Variants in UPF1 observed in about 807,000 individuals in gnomAD.
UPF1 encodes UPF1 RNA helicase and ATPase.
A neutral mutation model predicts 129.2 loss-of-function variants in UPF1; 9 were observed. The ratio of observed to expected loss-of-function variants is 0.07; its 90% CI spans 0.04 to 0.12. The LOEUF (loss-of-function observed/expected upper bound fraction) is 0.12, where lower values mean the gene tolerates loss of function less well. Ranked by LOEUF, UPF1 falls within the 10% of genes least tolerant of loss-of-function variation. UPF1 has a pLI of 1.00. For missense variants in UPF1, 788 were observed against 1,525.3 expected (o/e 0.52, Z 8.05); for synonymous variants, 649 against 644.9 (o/e 1.01, Z -0.10).
At chr19:18,837,059 C>G (rs1006172943) in intron 1 of UPF1, among the ~76,000 whole-genome samples, 1 of 151,958 alleles carries the variant, frequency 6.6e-6, no homozygotes, top group Non-Finnish European at 1.5e-5. Flanking sequence ...GCCTGCCATA[C>G]TTTTTTTAAA....
intron 1 of UPF1, among the ~76,000 whole-genome samples, chr19:18,837,358 G>A (rs955435215): frequency 1.3e-5 from 2 of 152,214 alleles, no homozygotes. Context: ...CCAAGTGTTG[G>A]AATTACAGAG....
intron 13 of UPF1, 93 bp from the exon 14 acceptor site, chr19:18,856,784 A>G: frequency 6.7e-7 from 1 of 1,485,292 alleles, no homozygotes; most frequent in Non-Finnish European, 9.0e-7. Context: ...AGGGTGAGAA[A>G]CAGGAGAGCT....
chr19:18,845,445 G>A (rs1422805105), intron 1 of UPF1, among the ~76,000 whole-genome samples: 1 of 152,148 alleles, frequency 6.6e-6, no homozygotes, highest in South Asian at 2.1e-4. Flanking sequence ...GTGTGGCCTC[G>A]GTTGCCAAGG....
chr19:18,865,838 A>G lies in UPF1; in HGVS notation c.3237+60A>G. On this transcript the variant is annotated intron_variant, in intron 22 of 23. Transcript: ENST00000262803. The surrounding 1 kb of genome is among the most constrained non-coding windows in gnomAD (Gnocchi z 6.1). ...GAGGGTGGGGCTATGCACCTGAAACATTCCCTCTGAAGAGCCCCAGAGAGC... is the reference window on the plus strand; with the variant it reads ...GAGGGTGGGGCTATGCACCTGAAACGTTCCCTCTGAAGAGCCCCAGAGAGC... 11 of 1,602,940 alleles carry G rather than the reference A, an allele frequency of 6.9e-6. No individual in the cohort carries two copies. The highest frequency in any genetic ancestry group is 9.3e-6 in the Non-Finnish European group (11 of 1,176,494).
chr19:18,847,872 T>C (rs1362081342), intron 3 of UPF1, 39 bp downstream of exon 3: 1 of 1,575,142 alleles, frequency 6.3e-7, no homozygotes, highest in Admixed American at 1.7e-5. Flanking sequence ...TAATCAGTGC[T>C]GTGCTCAGAT....
At chr19:18,848,879 T>C (rs184943935) in intron 3 of UPF1, 82 of 152,342 alleles carry the variant, frequency 5.4e-4, no homozygotes, top group African/African-American at 1.8e-3. Context: ...TTCCTCTTGT[T>C]CAGGAAAAGC....
chr19:18,860,981 A>T lies in UPF1; in HGVS notation c.2456A>T (p.Gln819Leu). ...FSGSLHTKLY[Q>L]EVEIASVDAF... Reference sequence around the variant, plus strand: ...GGCTCCCTGCACACCAAGCTCTACCAGGTGCGCTGCGCCCTCGGGCACACT... The same window carrying T: ...GGCTCCCTGCACACCAAGCTCTACCTGGTGCGCTGCGCCCTCGGGCACACT... The change falls in exon 17 of 24, where the codon CAG (glutamine) becomes CTG (leucine). Residue 819 changes from glutamine to leucine, a missense_variant and splice_region_variant. Physicochemically the swap from Gln to Leu is moderately radical, Grantham distance 113. Around this residue, in one of 6 missense-constraint regions of UPF1, gnomAD observed 140 missense variants for 385.9 expected, o/e 0.36. Coordinates refer to ENST00000262803, the MANE Select transcript of UPF1 (RefSeq NM_002911.4). The T allele has an allele frequency of 6.3e-7, 1 of 1,576,764 alleles. No individual in the cohort carries two copies. Among genetic ancestry groups the T allele is most frequent in the East Asian group, 2.3e-5 (1 of 42,968 alleles).
At chr19:18,861,929 G>C in intron 17 of UPF1, 81 bp from the exon 18 acceptor site, 1 of 1,542,794 alleles carries the variant, frequency 6.5e-7, no homozygotes, top group South Asian at 1.2e-5. Context: ...TTTGAGGGTG[G>C]GTCTTGGTGT....
chr19:18,856,428 C>T (rs1382703501), intron 13 of UPF1, 128 bp downstream of exon 13: 9 of 857,476 alleles, frequency 1.0e-5, no homozygotes, highest in Non-Finnish European at 1.6e-5. Context: ...CTCTACTTGG[C>T]CTCTCTGCGC....
chr19:18,857,562 T>G (rs1194484451), intron 15 of UPF1, 29 bp downstream of exon 15: 1 of 1,567,074 alleles, frequency 6.4e-7, no homozygotes. Context: ...GGGCAGGGGC[T>G]TCTACAGAGA....
At chr19:18,861,475 C>T (rs1434671059) in intron 17 of UPF1, among the ~76,000 whole-genome samples, 1 of 152,198 alleles carries the variant, frequency 6.6e-6, no homozygotes, top group African/African-American at 2.4e-5. Context: ...TGTTTTTGAG[C>T]ACGGCTCAGG....
rs191847010 is a variant in UPF1, at chr19:18,865,486, C to G, written c.3019+36C>G. On this transcript the variant is annotated intron_variant, in intron 21 of 23. Transcript: ENST00000262803. The surrounding 1 kb of genome is among the most constrained non-coding windows in gnomAD (Gnocchi z 6.1). ...GTGGCTGCGGCTGGGTGTGGCCCTC[C>G]TGAGAGCTCTTGAGGGTGTGCTTGT... is the stretch of plus-strand genomic sequence containing the variant. 35 of 1,611,756 alleles carry G rather than the reference C, an allele frequency of 2.2e-5. No homozygotes were observed. The African/African-American group carries it at 3.5e-4, about 16-fold the overall frequency.
In UPF1 at chr19:18,850,400, G is replaced by A. The variant is rs1299261329; in HGVS notation, c.629+158G>A. Among the ~76,000 whole-genome samples, 3 of 152,248 alleles carry A rather than the reference G, an allele frequency of 2.0e-5. No individual in the cohort carries two copies. Among genetic ancestry groups the A allele is most frequent in the Non-Finnish European group, 2.9e-5 (2 of 68,044 alleles). ...GGGTGAGGCATGAGAGCGTTTAGGC[G>A]CTGAGGCTTGTTAAGGAGTCGGCAG... On this transcript the variant is annotated intron_variant, in intron 4 of 23. Coordinates refer to ENST00000262803, the MANE Select transcript of UPF1 (RefSeq NM_002911.4). The surrounding 1 kb of genome is among the most constrained non-coding windows in gnomAD (Gnocchi z 7.1).
chr19:18,861,984 A>G (rs773315402), intron 17 of UPF1, 26 bp from the exon 18 acceptor site: 1 of 1,612,864 alleles, frequency 6.2e-7, no homozygotes, highest in South Asian at 1.1e-5. Flanking sequence ...CTGCTGGCTG[A>G]TAGTGACCAC....
intron 1 of UPF1, among the ~76,000 whole-genome samples, chr19:18,845,434 G>A (rs1285160417): frequency 6.6e-6 from 1 of 152,166 alleles, no homozygotes; most frequent in African/African-American, 2.4e-5. Flanking sequence ...CTTCAGTGAG[G>A]GTGTGGCCTC....
In UPF1 at chr19:18,866,065, T is replaced by C. The variant is rs2055840225; in HGVS notation, c.3259T>C (p.Phe1087Leu). ...TCAGGACAGTTACCTTGGTGACGAG[T>C]TTAAATCACAAATCGACGTGGCGCT... Reference protein sequence around the residue: ...LSQDSYLGDEFKSQIDVALSQ... With the variant: ...LSQDSYLGDELKSQIDVALSQ... Residue 1087 changes from phenylalanine to leucine, a missense_variant, in exon 23 of 24, where the codon TTT becomes CTT. Physicochemically the swap from Phe to Leu is conservative, Grantham distance 22. Transcript: ENST00000262803. The C allele has an allele frequency of 6.2e-7, 1 of 1,613,018 alleles. No homozygotes were observed. Among genetic ancestry groups the C allele is most frequent in the Non-Finnish European group, 8.5e-7 (1 of 1,179,806 alleles).
At position 18,850,818 on chromosome 19, in the gene UPF1, G is replaced by A. The variant is rs36064131; in HGVS notation, c.760G>A (p.Ala254Thr). The A allele has an allele frequency of 6.2e-7, 1 of 1,609,356 alleles. No homozygotes were observed. The change falls in exon 5 of 24, where the codon GCA becomes ACA. Residue 254 changes from alanine (A) to threonine (T), a missense_variant. Around this residue, in one of 6 missense-constraint regions of UPF1, gnomAD observed 227 missense variants for 517.9 expected, o/e 0.44. Transcript: ENST00000262803. This position sits in a 1 kb window ranked among gnomAD's most constrained non-coding sequence, Gnocchi z 7.1. ...CCCCTCCGAGCAGGAGCAGCTGCGG[G>A]CACGCCAGATCACGGCACAGCAGAT... ...KIPSEQEQLR[A>T]RQITAQQINK... is the part of the protein sequence containing the mutation.
At position 18,864,166 on chromosome 19, in the gene UPF1, G is replaced by C. The variant is rs369521945; in HGVS notation, c.2776-4G>C. The C allele has an allele frequency of 6.8e-6, 11 of 1,613,560 alleles. No homozygotes were observed. The African/African-American group carries it at 1.5e-4, about 22-fold the overall frequency. ...AAATTCCTCACCTATCTAAACCTTCGCAGGGAGCCCGCTTCATGACCACAG... is the reference window on the plus strand; with the variant it reads ...AAATTCCTCACCTATCTAAACCTTCCCAGGGAGCCCGCTTCATGACCACAG... On this transcript the variant is annotated splice_region_variant and splice_polypyrimidine_tract_variant and intron_variant, in intron 19 of 23. Coordinates refer to ENST00000262803, the MANE Select transcript of UPF1 (RefSeq NM_002911.4).
chr19:18,856,937 C>A lies in UPF1; in HGVS notation c.1885C>A (p.Gln629Lys). Residue 629 changes from glutamine to lysine, a missense_variant, in exon 14 of 24, where the codon CAG (glutamine) becomes AAG (lysine). Physicochemically the swap from Gln to Lys is moderately conservative, Grantham distance 53. Coordinates refer to ENST00000262803, the MANE Select transcript of UPF1 (RefSeq NM_002911.4). ...GAGDPRLAKM[Q>K]FRSILIDEST... Reference sequence around the variant, plus strand: ...CGGTGACCCGAGGCTGGCCAAGATGCAGTTCCGCTCCATTTTAATCGACGA... The same window carrying A: ...CGGTGACCCGAGGCTGGCCAAGATGAAGTTCCGCTCCATTTTAATCGACGA... The A allele has an allele frequency of 6.2e-7, 1 of 1,612,504 alleles. No homozygotes were observed. The highest frequency in any genetic ancestry group is 8.5e-7 in the Non-Finnish European group (1 of 1,180,010).
Sources: gnomAD v4.1 joint callset for allele counts (sites outside exome capture counted in the v4.1 genomes callset) on GRCh38, gnomAD v4.1.1 for gene constraint, gnomAD v4.1.1 regional missense constraint, Gnocchi (gnomAD v3.1) non-coding constraint, MANE v1.5 for transcripts, NCBI Gene and HGNC (gene_info 2026-07-23, HGNC 2026-07-21) for gene names.